POT1: variants seen among roughly 807,000 people sequenced by gnomAD.
POT1 encodes protection of telomeres protein 1.
In POT1, 47 loss-of-function variants were observed where a neutral mutation model predicts 78.5. The observed-to-expected ratio is 0.60, with a 90% CI of 0.47 to 0.76. The LOEUF (loss-of-function observed/expected upper bound fraction) is 0.76, where lower values mean the gene tolerates loss of function less well. Among genes scored for constraint, POT1 ranks in the 30% least tolerant of loss-of-function variants. POT1 has a pLI of 0.00. For synonymous variants in POT1, 259 were observed against 260.7 expected (o/e 0.99, Z 0.06); for missense variants, 646 against 749.9 (o/e 0.86, Z 1.62).
In POT1 at chr7:124,825,105, C is replaced by T. The variant is rs572702236; in HGVS notation, c.1792+147G>A. 338 of 431,754 alleles carry T rather than the reference C, an allele frequency of 7.8e-4. 5 individuals are homozygous for T. The South Asian group carries it at 0.026, about 33-fold the overall frequency. The allele number at this position is 431,754 out of a possible 1,614,324, so 26.7% of individuals were successfully genotyped here. A position where few individuals can be genotyped will look rare whatever the true frequency, so the allele number is the denominator to read the frequency against. ...ATTTTATCCCTGCCACTCTCTTCAT[C>T]AAAGGTTGATCATAGAGTAATCACT... On this transcript the variant is annotated intron_variant, in intron 18 of 18. Transcript: ENST00000357628.
At chr7:124,879,235 G>C (rs1007853803) in intron 6 of POT1, among the ~76,000 whole-genome samples, 1 of 152,058 alleles carries the variant, frequency 6.6e-6, no homozygotes, top group African/African-American at 2.4e-5. Flanking sequence ...CATCTGAAAG[G>C]GCTCTCACTA....
chr7:124,841,129 C>T lies in POT1; in HGVS notation c.1213G>A (p.Ala405Thr), dbSNP rs753851042. The T allele has an allele frequency of 5.0e-6, 8 of 1,612,768 alleles. No individual in the cohort carries two copies. The highest frequency in any genetic ancestry group is 1.7e-4 in the Middle Eastern group (1 of 6,056). ...GDLDIIFQDG[A>T]TKTPDVKLQN... is the part of the protein sequence containing the mutation. ...AGCTTGACATCTGGGGTTTTAGTTG[C>T]ACCATCCTGAAAAATTATATCCAAA... is the stretch of plus-strand genomic sequence containing the variant. Residue 405 changes from alanine to threonine, a missense_variant, in exon 14 of 19, where the codon GCA (alanine) becomes ACA (threonine). By Grantham distance (58) the Ala-to-Thr change is moderately conservative. This residue lies in a region of POT1 where 394 missense variants were observed against 408.4 expected (regional missense o/e 0.96). Coordinates refer to ENST00000357628, the MANE Select transcript of POT1 (RefSeq NM_015450.3).
intron 10 of POT1, 142 bp downstream of exon 10, chr7:124,852,830 T>A: frequency 1.5e-6 from 1 of 685,910 alleles, no homozygotes. Flanking sequence ...TCATTTGATT[T>A]GTTTCATTTG....
intron 12 of POT1, 68 bp downstream of exon 12, chr7:124,846,874 G>A (rs372397583): frequency 2.8e-6 from 3 of 1,070,914 alleles, no homozygotes; most frequent in Non-Finnish European, 4.2e-6. Context: ...GGATTAGCTG[G>A]TAAGTGTAGA....
intron 2 of POT1, among the ~76,000 whole-genome samples, chr7:124,925,922 TG>T (rs1199355088): frequency 6.6e-6 from 1 of 152,118 alleles, no homozygotes; most frequent in African/African-American, 2.4e-5. Context: ...AGAGTGAAAC[TG>T]GAACGTATAT....
rs200145895 is a variant in POT1 at position 124,870,964 on chromosome 7, C to T, written c.202G>A (p.Ala68Thr). Residue 68 changes from alanine to threonine, a missense_variant, in exon 7 of 19, where the codon GCC becomes ACC. Ala to Thr is a moderately conservative substitution (Grantham distance 58). Around this residue, in one of 2 missense-constraint regions of POT1, gnomAD observed 252 missense variants for 341.4 expected, o/e 0.74. Coordinates refer to ENST00000357628, the MANE Select transcript of POT1 (RefSeq NM_015450.3). Reference sequence around the variant, plus strand: ...CCATTTTTATAAATTATTGGAAGGGCTTCATAGTTTCCACTAAAGAGCAGG... The same window carrying T: ...CCATTTTTATAAATTATTGGAAGGGTTTCATAGTTTCCACTAAAGAGCAGG... ...TCLLFSGNYEALPIIYKNGDI... is the reference protein window; with the variant it reads ...TCLLFSGNYETLPIIYKNGDI... The T allele has an allele frequency of 3.1e-6, 5 of 1,610,212 alleles. No individual in the cohort carries two copies. The Admixed American group carries it at 5.0e-5, about 16-fold the overall frequency.
chr7:124,834,034 T>A (rs1431097720), intron 15 of POT1, among the ~76,000 whole-genome samples: 1 of 152,052 alleles, frequency 6.6e-6, no homozygotes. Flanking sequence ...TTAATAAATG[T>A]TGGGAAAACT....
chr7:124,883,999 A>G (rs551985098), intron 6 of POT1, among the ~76,000 whole-genome samples: 7 of 152,060 alleles, frequency 4.6e-5, no homozygotes, highest in Admixed American at 3.3e-4. Flanking sequence ...GACATTTTCA[A>G]CTATGTCAAT....
intron 17 of POT1, among the ~76,000 whole-genome samples, chr7:124,825,595 T>C (rs930325025): frequency 6.6e-6 from 1 of 152,082 alleles, no homozygotes; most frequent in African/African-American, 2.4e-5. Flanking sequence ...GATTTAATAA[T>C]GATGATGGTA....
Position 124,841,186 on chromosome 7 carries a change from T to C in POT1, c.1164-8A>G, listed in dbSNP as rs749686498. The stretch of plus-strand genomic sequence containing the variant: ...TCATGTGGAACTTCTTGCCTAAAAT[T>C]ATTGGCAATGAAATGATAGAAATCG... On this transcript the variant is annotated splice_region_variant and splice_polypyrimidine_tract_variant and intron_variant, in intron 13 of 18. Coordinates refer to ENST00000357628, the MANE Select transcript of POT1 (RefSeq NM_015450.3). 1 of 1,606,830 alleles carries C rather than the reference T, an allele frequency of 6.2e-7. No homozygotes were observed. Among genetic ancestry groups the C allele is most frequent in the South Asian group, 1.1e-5 (1 of 89,678 alleles).
chr7:124,877,918 A>C (rs66480671), intron 6 of POT1, among the ~76,000 whole-genome samples: 6,657 of 150,352 alleles, frequency 0.044, 378 homozygotes, highest in African/African-American at 0.13. Context: ...TGTTGTTTCA[A>C]GTGACGGAGC....
intron 6 of POT1, among the ~76,000 whole-genome samples, chr7:124,880,312 T>C (rs6466956): frequency 0.6 from 91,332 of 151,954 alleles, 27,585 homozygotes; most frequent in African/African-American, 0.65. Context: ...CTGTATTACG[T>C]CTCTCACTTT....
chr7:124,824,241 CATACT>C (rs1273172063), intron 18 of POT1, among the ~76,000 whole-genome samples, 167 bp from the exon 19 acceptor site: 3 of 151,702 alleles, frequency 2.0e-5, no homozygotes, highest in African/African-American at 7.3e-5. Context: ...CTTCAAAATA[CATACT>C]AGATTCATGT....
At chr7:124,842,985 A>G in intron 12 of POT1, 22 bp from the exon 13 acceptor site, 1 of 1,484,610 alleles carries the variant, frequency 6.7e-7, no homozygotes. Context: ...TTTTATATTC[A>G]ATCAGAATAA....
intron 9 of POT1, chr7:124,853,563 T>A (rs1299804661): frequency 6.6e-6 from 1 of 152,534 alleles, no homozygotes; most frequent in Non-Finnish European, 1.5e-5. Flanking sequence ...TAATTAAATA[T>A]GATCCTGAAG....
intron 3 of POT1, among the ~76,000 whole-genome samples, chr7:124,899,648 A>G (rs1158470108): frequency 6.6e-6 from 1 of 152,176 alleles, no homozygotes; most frequent in Non-Finnish European, 1.5e-5. Context: ...TTGAGATTTT[A>G]GTCAAAGATT....
At chr7:124,830,602 C>T (rs538093643) in intron 15 of POT1, among the ~76,000 whole-genome samples, 1 of 152,078 alleles carries the variant, frequency 6.6e-6, no homozygotes, top group East Asian at 1.9e-4. Flanking sequence ...TACAGAACTA[C>T]TTACTTCCAA....
chr7:124,873,603 G>A (rs1430772427), intron 6 of POT1, among the ~76,000 whole-genome samples: 1 of 151,978 alleles, frequency 6.6e-6, no homozygotes, highest in Non-Finnish European at 1.5e-5. Context: ...GAGTGATGCT[G>A]GCCTCGTGAA....
chr7:124,861,564 T>C (rs1264887230), intron 8 of POT1, among the ~76,000 whole-genome samples: 3 of 152,188 alleles, frequency 2.0e-5, no homozygotes, highest in Non-Finnish European at 4.4e-5. Context: ...CTGTTCACTC[T>C]GATGATAGTT....
Sources: gnomAD v4.1 joint callset for allele counts (sites outside exome capture counted in the v4.1 genomes callset) on GRCh38, gnomAD v4.1.1 for gene constraint, gnomAD v4.1.1 regional missense constraint, MANE v1.5 for transcripts, NCBI Gene and HGNC (gene_info 2026-07-23, HGNC 2026-07-21) for gene names.